CDK19: variants seen among roughly 807,000 people sequenced by gnomAD.
The protein encoded by CDK19 is cyclin dependent kinase 19, also known as cyclin-dependent kinase 19.
Under a neutral mutation model 68.3 loss-of-function variants are expected in CDK19, and 20 were observed. The ratio of observed to expected loss-of-function variants is 0.29; its 90% confidence interval spans 0.21 to 0.43. CDK19 has a LOEUF of 0.43. Among genes scored for constraint, CDK19 ranks in the 20% least tolerant of loss-of-function variants. The probability of loss-of-function intolerance (pLI) is 1.00; values close to 1 mark genes in which losing one functional copy is unlikely to be tolerated. For synonymous variants in CDK19, 221 were observed against 222.8 expected, an observed-to-expected ratio of 0.99 and a Z score of 0.07; for missense variants, 339 against 623.5, an observed-to-expected ratio of 0.54 and a Z score of 4.86.
intron 3 of CDK19, among the ~76,000 whole-genome samples, chr6:110,669,771 G>A (rs147552327): frequency 6.6e-6 from 1 of 152,298 alleles, no homozygotes; most frequent in African/African-American, 2.4e-5. Flanking sequence ...ACAGGAATTA[G>A]AATTTTTTGC....
chr6:110,803,127 T>C (rs907025528), intron 1 of CDK19, among the ~76,000 whole-genome samples: 3 of 152,158 alleles, frequency 2.0e-5, no homozygotes, highest in African/African-American at 7.2e-5. Context: ...TAGCCCAGGC[T>C]GGAGGGCAGT....
intron 4 of CDK19, among the ~76,000 whole-genome samples, chr6:110,653,891 C>T (rs1781134744): frequency 6.6e-6 from 1 of 152,114 alleles, no homozygotes; most frequent in South Asian, 2.1e-4. Context: ...TTATGAGTAG[C>T]ACAGCCTAAA....
chr6:110,743,172 A>C (rs1777804217), intron 2 of CDK19, among the ~76,000 whole-genome samples: 2 of 152,224 alleles, frequency 1.3e-5, no homozygotes, highest in Non-Finnish European at 2.9e-5. Context: ...AAATTGTGTT[A>C]GTGGGCTTAA....
chr6:110,797,297 G>A (rs1027616867), intron 1 of CDK19, among the ~76,000 whole-genome samples: 15 of 151,764 alleles, frequency 9.9e-5, no homozygotes, highest in East Asian at 1.9e-4. Context: ...CCGAGATCGC[G>A]CCACTGCACT....
chr6:110,728,075 G>T (rs944236641), intron 2 of CDK19, among the ~76,000 whole-genome samples: 7 of 152,066 alleles, frequency 4.6e-5, no homozygotes, highest in African/African-American at 1.7e-4. Context: ...GGATCACGAG[G>T]TCGGGAGTTC....
chr6:110,708,085 T>C (rs1255345781), intron 2 of CDK19, among the ~76,000 whole-genome samples: 1 of 152,178 alleles, frequency 6.6e-6, no homozygotes. Flanking sequence ...CTCCTTAAGA[T>C]AAAAATACCC....
Position 110,815,068 on chromosome 6 carries a change from T to A in CDK19, c.69A>T (p.Glu23Asp). The A allele has an allele frequency of 1.2e-6, 2 of 1,605,074 alleles. No individual in the cohort carries two copies. The highest frequency in any genetic ancestry group is 8.5e-7 in the Non-Finnish European group (1 of 1,176,606). ...AGGTGCCGCGTCCCACTTTGCACCC[T>A]TCGTACTCAAACAAATCCTCCACCC... ...RERVEDLFEY[E>D]GCKVGRGTYG... The change falls in exon 1 of 13, where the codon GAA (glutamate) becomes GAT (aspartate). Residue 23 changes from glutamate to aspartate, a missense_variant. Coordinates refer to ENST00000368911, the MANE Select transcript of CDK19 (RefSeq NM_015076.5).
intron 1 of CDK19, among the ~76,000 whole-genome samples, chr6:110,809,859 T>C (rs1782950011): frequency 6.6e-6 from 1 of 152,214 alleles, no homozygotes; most frequent in South Asian, 2.1e-4. Flanking sequence ...GGCATATTAG[T>C]ATCACTTACA....
At chr6:110,677,241 T>C (rs1237290927) in intron 2 of CDK19, among the ~76,000 whole-genome samples, 1 of 152,106 alleles carries the variant, frequency 6.6e-6, no homozygotes, top group African/African-American at 2.4e-5. Flanking sequence ...GCAAAGACCA[T>C]ATAAAAGGAG....
At chr6:110,670,654 C>T in intron 2 of CDK19, 113 bp from the exon 3 acceptor site, 5 of 689,748 alleles carry the variant, frequency 7.2e-6, no homozygotes, top group South Asian at 1.7e-5. Flanking sequence ...TCCAGGTAAG[C>T]AAAATGAAAG....
rs1171207382 is a variant in CDK19, at chr6:110,610,738, A to G, written c.*3797T>C. 6.6e-6 allele frequency: 1 copy of G among 152,202 alleles called. No individual in the cohort carries two copies. Among genetic ancestry groups the G allele is most frequent in the African/African-American group, 2.4e-5 (1 of 41,452 alleles). 9.4% of individuals were successfully genotyped at this position (152,202 alleles called of 1,614,324 possible). On this transcript the variant is annotated 3_prime_UTR_variant, in exon 13 of 13. Transcript: ENST00000368911. ...CTCTACTCCCTAGGAAGACATCATC[A>G]TAGAGTTTTGGATTTGTAATTTCCA...
At position 110,626,821 on chromosome 6, in the gene CDK19, T is replaced by C; in HGVS notation, c.815A>G (p.Lys272Arg). ...TTGAAGTGTGGGATATTCTGGCATC[T>C]TTCTAATATCTTCCCAGTCTTTATC... ...PADKDWEDIR[K>R]MPEYPTLQKD... The change falls in exon 8 of 13, where the codon AAG becomes AGG. Residue 272 changes from lysine to arginine, a missense_variant. Coordinates refer to ENST00000368911, the MANE Select transcript of CDK19 (RefSeq NM_015076.5). 6.3e-7 allele frequency: 1 copy of C among 1,580,138 alleles called. No homozygotes were observed. The highest frequency in any genetic ancestry group is 8.6e-7 in the Non-Finnish European group (1 of 1,157,946).
At chr6:110,758,872 G>T (rs1482523131) in intron 1 of CDK19, among the ~76,000 whole-genome samples, 1 of 151,886 alleles carries the variant, frequency 6.6e-6, no homozygotes, top group Non-Finnish European at 1.5e-5. Context: ...AGACAGTACT[G>T]AATCAAAAAT....
At chr6:110,732,709 G>A (rs1776852913) in intron 2 of CDK19, among the ~76,000 whole-genome samples, 1 of 152,084 alleles carries the variant, frequency 6.6e-6, no homozygotes, top group African/African-American at 2.4e-5. Context: ...AAATGCACAA[G>A]TCTTAAGTGA....
rs142478063 is a variant in CDK19, at chr6:110,757,244, G to A, written c.129-11043C>T. On this transcript the variant is annotated intron_variant, in intron 1 of 12. Transcript: ENST00000368911. ...CATTCACAGCACCCATGCCACAGGC[G>A]CCCTTCTTCAGTAAACACCATCCTA... Among the ~76,000 whole-genome samples, 224 of 152,210 alleles carry A rather than the reference G, an allele frequency of 1.5e-3. 1 individual carries two copies. The highest frequency in any genetic ancestry group is 5.0e-3 in the African/African-American group (208 of 41,540).
intron 1 of CDK19, among the ~76,000 whole-genome samples, chr6:110,795,192 A>G (rs1050164157): frequency 6.6e-6 from 1 of 152,108 alleles, no homozygotes; most frequent in African/African-American, 2.4e-5. Context: ...GCTAGTCTGG[A>G]ACTCCTGGAC....
At chr6:110,663,732 T>C (rs1253147149) in intron 4 of CDK19, among the ~76,000 whole-genome samples, 2 of 152,176 alleles carry the variant, frequency 1.3e-5, no homozygotes, top group African/African-American at 4.8e-5. Context: ...GGACTCACTA[T>C]GTTGCTCAGG....
At chr6:110,777,568 T>C (rs1780496729) in intron 1 of CDK19, among the ~76,000 whole-genome samples, 2 of 152,182 alleles carry the variant, frequency 1.3e-5, no homozygotes, top group African/African-American at 4.8e-5. Flanking sequence ...GCAGTTGCTA[T>C]GGAAAATAGT....
In CDK19 at chr6:110,611,915, T is replaced by G. The variant is rs1164818173; in HGVS notation, c.*2620A>C. The G allele has an allele frequency of 6.6e-6, 1 of 152,244 alleles. No homozygotes were observed. The highest frequency in any genetic ancestry group is 1.9e-4 in the East Asian group (1 of 5,202). The allele number at this position is 152,244 out of a possible 1,614,324, so 9.4% of individuals were successfully genotyped here. On this transcript the variant is annotated 3_prime_UTR_variant, in exon 13 of 13. Coordinates refer to ENST00000368911, the MANE Select transcript of CDK19 (RefSeq NM_015076.5). ...AAGAGGAGAAAAGAGCCAGTACCAGTGCAGGGATAGGAACTCAGTCATGTG... is the reference window on the plus strand; with the variant it reads ...AAGAGGAGAAAAGAGCCAGTACCAGGGCAGGGATAGGAACTCAGTCATGTG...
Sources: allele counts gnomAD v4.1 joint callset (sites outside exome capture counted in the v4.1 genomes callset), GRCh38; gene constraint gnomAD v4.1.1; transcripts MANE v1.5; gene names NCBI Gene and HGNC (gene_info 2026-07-23, HGNC 2026-07-21).